The following SERPINB2 variants were observed in gnomAD, a reference collection of about 807,000 sequenced individuals.
The protein encoded by SERPINB2 is serpin family B member 2.
In SERPINB2, 28 loss-of-function variants were observed where a neutral mutation model predicts 39.4. The ratio of observed to expected loss-of-function variants is 0.71; its 90% CI spans 0.53 to 0.97. The LOEUF is 0.97. Among genes scored for constraint, SERPINB2 ranks in the 50% least tolerant of loss-of-function variants. SERPINB2 has a pLI of 0.00. For missense variants in SERPINB2, 557 were observed against 505.3 expected (o/e 1.10, Z -0.98); for synonymous variants, 209 against 175.1 (o/e 1.19, Z -1.53).
Position 63,902,997 on chromosome 18 carries a change from T to C in SERPINB2, c.940T>C (p.Leu314=). The stretch of plus-strand genomic sequence containing the variant: ...TGAGGTATACATACCCCAGTTCAAA[T>C]TAGAAGAGCATTATGAACTCAGATC... The part of the protein sequence containing the change: ...EVEVYIPQFK[L]EEHYELRSIL... The change falls in exon 8 of 8, where the codon TTA becomes CTA. Residue 314 remains leucine (L), a synonymous_variant. Coordinates refer to ENST00000299502, the MANE Select transcript of SERPINB2 (RefSeq NM_002575.3). 8 of 1,613,822 alleles carry C rather than the reference T, an allele frequency of 5.0e-6. No individual in the cohort carries two copies. Among genetic ancestry groups the C allele is most frequent in the Non-Finnish European group, 6.8e-6 (8 of 1,179,808 alleles).
intron 3 of SERPINB2, 28 bp downstream of exon 3, chr18:63,895,411 T>C (rs1403814323): frequency 3.7e-6 from 6 of 1,613,678 alleles, no homozygotes; most frequent in Non-Finnish European, 5.1e-6. Flanking sequence ...CCAAATTTCT[T>C]TTGTGGTTTA....
rs1374573687 is a variant in SERPINB2 at position 63,895,349 on chromosome 18, T to C, written c.254T>C (p.Ile85Thr). The C allele has an allele frequency of 6.2e-7, 1 of 1,614,014 alleles. No individual in the cohort carries two copies. Among genetic ancestry groups the C allele is most frequent in the African/African-American group, 1.3e-5 (1 of 74,932 alleles). ...ACCAGCTGTGGGTTCATGCAGCAGA[T>C]CCAGAAGGGTAGTTATCCTGATGCG... ...NFTSCGFMQQ[I>T]QKGSYPDAIL... Residue 85 changes from isoleucine to threonine, a missense_variant, in exon 3 of 8, where the codon ATC (isoleucine) becomes ACC (threonine). Ile to Thr is a moderately conservative substitution (Grantham distance 89). Transcript: ENST00000299502.
chr18:63,893,723 G>C (rs2049941413), intron 2 of SERPINB2, among the ~76,000 whole-genome samples: 1 of 152,158 alleles, frequency 6.6e-6, no homozygotes, highest in Admixed American at 6.5e-5. Context: ...AAGATTAGAG[G>C]TACTATGTAA....
At chr18:63,902,605 C>T (rs931168329) in intron 7 of SERPINB2, 37 bp downstream of exon 7, 27 of 1,542,178 alleles carry the variant, frequency 1.8e-5, no homozygotes, top group Non-Finnish European at 2.4e-5. Context: ...TGGGGCTATA[C>T]CTACCTTTCG....
At position 63,903,006 on chromosome 18, in the gene SERPINB2, C is replaced by A; in HGVS notation, c.949C>A (p.His317Asn). The stretch of plus-strand genomic sequence containing the variant: ...CATACCCCAGTTCAAATTAGAAGAG[C>A]ATTATGAACTCAGATCCATTCTGAG... The part of the protein sequence containing the change: ...VYIPQFKLEE[H>N]YELRSILRSM... The change falls in exon 8 of 8, where the codon CAT (histidine) becomes AAT (asparagine). Residue 317 changes from histidine (H) to asparagine (N), a missense_variant. Transcript: ENST00000299502. The A allele has an allele frequency of 6.2e-7, 1 of 1,613,788 alleles. No individual in the cohort carries two copies. Among genetic ancestry groups the A allele is most frequent in the South Asian group, 1.1e-5 (1 of 91,072 alleles).
At chr18:63,901,397 A>G (rs2049990261) in intron 5 of SERPINB2, among the ~76,000 whole-genome samples, 2 of 152,182 alleles carry the variant, frequency 1.3e-5, no homozygotes, top group South Asian at 2.1e-4. Flanking sequence ...AGGCACTATT[A>G]TATTCCCTAA....
chr18:63,903,388 A>G lies in SERPINB2; in HGVS notation c.*83A>G. On this transcript the variant is annotated 3_prime_UTR_variant, in exon 8 of 8. Transcript: ENST00000299502. ...TGCTATTTCAAATTGCCAAAAATTT[A>G]GAGATGTTTTCTACATATTTCTGCT... is the stretch of plus-strand genomic sequence containing the variant. 5.8e-6 allele frequency: 8 copies of G among 1,373,974 alleles called. No homozygotes were observed. The highest frequency in any genetic ancestry group is 7.7e-6 in the Non-Finnish European group (8 of 1,034,452). 85.1% of individuals were successfully genotyped at this position (1,373,974 alleles called of 1,614,324 possible).
At chr18:63,901,324 ATGAG>A (rs1255774310) in intron 5 of SERPINB2, among the ~76,000 whole-genome samples, 1 of 152,176 alleles carries the variant, frequency 6.6e-6, no homozygotes, top group African/African-American at 2.4e-5. Flanking sequence ...TTTTGAATAA[ATGAG>A]TAAGTCAGAT....
chr18:63,902,750 C>A, intron 7 of SERPINB2, 151 bp from the exon 8 acceptor site: 1 of 1,066,478 alleles, frequency 9.4e-7, no homozygotes, highest in Non-Finnish European at 1.3e-6. Flanking sequence ...GTGTTACCTT[C>A]TTGTAAAAAT....
At chr18:63,902,603 T>C in intron 7 of SERPINB2, 35 bp downstream of exon 7, 1 of 1,547,466 alleles carries the variant, frequency 6.5e-7, no homozygotes. Flanking sequence ...TCTGGGGCTA[T>C]ACCTACCTTT....
chr18:63,891,764 A>C, intron 2 of SERPINB2, 152 bp downstream of exon 2: 1 of 814,900 alleles, frequency 1.2e-6, no homozygotes, highest in Non-Finnish European at 1.8e-6. Context: ...CAAATTCCTT[A>C]GATTCAAATC....
At position 63,897,333 on chromosome 18, in the gene SERPINB2, AGCTCCCTAGG is replaced by A. The variant is rs111798265; in HGVS notation, c.417+118_417+127del. The A allele has an allele frequency of 0.012, 15,274 of 1,303,262 alleles. 1,388 individuals are homozygous for A. In the African/African-American group the frequency reaches 0.19, roughly 17 times the overall value. The allele number at this position is 1,303,262 out of a possible 1,614,324, so 80.7% of individuals were successfully genotyped here. A position where few individuals can be genotyped will look rare whatever the true frequency, so the allele number is the denominator to read the frequency against. The stretch of plus-strand genomic sequence containing the variant: ...AAAAGCAGAGTTGGAATTCCACACC[AGCTCCCTAGG>A]GCTGGCCTTGCGTAACAGCTGCCCT... On this transcript the variant is annotated intron_variant, in intron 4 of 7. Coordinates refer to ENST00000299502, the MANE Select transcript of SERPINB2 (RefSeq NM_002575.3).
rs34066931 is a variant in SERPINB2, at chr18:63,903,178, G to C, written c.1121G>C (p.Gly374Ala). 4,123 of 1,613,674 alleles carry C rather than the reference G, an allele frequency of 2.6e-3. 108 individuals are homozygous for C. In the African/African-American group the frequency reaches 0.049, roughly 19 times the overall value. ...EEGTEAAAGT[G>A]GVMTGRTGHG... ...GGCACTGAAGCAGCCGCTGGCACAG[G>C]AGGTGTTATGACAGGGAGAACTGGA... The change falls in exon 8 of 8, where the codon GGA becomes GCA. Residue 374 changes from glycine to alanine, a missense_variant. Coordinates refer to ENST00000299502, the MANE Select transcript of SERPINB2 (RefSeq NM_002575.3).
intron 1 of SERPINB2, among the ~76,000 whole-genome samples, chr18:63,889,335 C>A (rs2049910740): frequency 6.6e-6 from 1 of 152,106 alleles, no homozygotes; most frequent in African/African-American, 2.4e-5. Flanking sequence ...AAATTTGCTT[C>A]TGTTCTTATT....
chr18:63,893,904 C>T (rs1367577496), intron 2 of SERPINB2, among the ~76,000 whole-genome samples: 1 of 152,120 alleles, frequency 6.6e-6, no homozygotes, highest in Non-Finnish European at 1.5e-5. Flanking sequence ...AAGAAGAGGC[C>T]ACACAGTTGA....
chr18:63,894,675 A>G (rs761387993), intron 2 of SERPINB2, among the ~76,000 whole-genome samples: 37 of 152,172 alleles, frequency 2.4e-4, no homozygotes, highest in Non-Finnish European at 4.3e-4. Context: ...AAAACTGCCT[A>G]CTTACTATAC....
intron 4 of SERPINB2, among the ~76,000 whole-genome samples, 193 bp from the exon 5 acceptor site, chr18:63,897,534 T>C (rs774255517): frequency 6.1e-4 from 92 of 152,048 alleles, no homozygotes; most frequent in Non-Finnish European, 1.3e-3. Flanking sequence ...AGAGGGTGGA[T>C]AGAGTTGGGG....
intron 1 of SERPINB2, among the ~76,000 whole-genome samples, chr18:63,889,495 C>T (rs1049913027): frequency 2.0e-5 from 3 of 152,082 alleles, no homozygotes; most frequent in Non-Finnish European, 2.9e-5. Flanking sequence ...CAAAGAATCA[C>T]GTATTTAGGT....
At chr18:63,899,603 G>A (rs1158576130) in intron 5 of SERPINB2, among the ~76,000 whole-genome samples, 2 of 152,172 alleles carry the variant, frequency 1.3e-5, no homozygotes, top group African/African-American at 4.8e-5. Flanking sequence ...CCAATTTGTG[G>A]TTGGAGCATC....
Sources: allele counts gnomAD v4.1 joint callset (sites outside exome capture counted in the v4.1 genomes callset), GRCh38; gene constraint gnomAD v4.1.1; transcripts MANE v1.5; gene names NCBI Gene and HGNC (gene_info 2026-07-23, HGNC 2026-07-21).